Variants in CDK19 observed in about 807,000 individuals in gnomAD.
CDK19 encodes the protein cyclin-dependent kinase 19.
CDK19 carries 20 observed loss-of-function variants against 68.3 expected under a neutral mutation model. That is an observed-to-expected ratio of 0.29 (90% confidence interval 0.21 to 0.43). The LOEUF is 0.43. Among genes scored for constraint, CDK19 ranks in the 20% least tolerant of loss-of-function variants. The pLI is 1.00. For missense variants in CDK19, 339 were observed against 623.5 expected (o/e 0.54, Z 4.86); for synonymous variants, 221 against 222.8 (o/e 0.99, Z 0.07).
At chr6:110,653,762 G>T (rs527820308) in intron 4 of CDK19, among the ~76,000 whole-genome samples, 24 of 152,298 alleles carry the variant, frequency 1.6e-4, no homozygotes, top group Non-Finnish European at 3.5e-4. Flanking sequence ...CATTTTAGCA[G>T]AATTTACTTA....
At chr6:110,697,251 A>G (rs1024183943) in intron 2 of CDK19, among the ~76,000 whole-genome samples, 4 of 151,678 alleles carry the variant, frequency 2.6e-5, no homozygotes, top group African/African-American at 9.7e-5. Flanking sequence ...AATTAAATAA[A>G]TATAAATAAA....
chr6:110,672,742 TG>T lies in CDK19; in HGVS notation c.205-2202del, dbSNP rs1331026477. Among the ~76,000 whole-genome samples, 3 of 152,328 alleles carry T rather than the reference TG, an allele frequency of 2.0e-5. No homozygotes were observed. The East Asian group carries it at 5.8e-4, about 29-fold the overall frequency. On this transcript the variant is annotated intron_variant, in intron 2 of 12. Coordinates refer to ENST00000368911, the MANE Select transcript of CDK19 (RefSeq NM_015076.5). ...TTGTTTTCTTACCCTTACTCTATCT[TG>T]GAAATCTCTTAATATTAGGACAATA...
intron 2 of CDK19, among the ~76,000 whole-genome samples, chr6:110,701,986 C>CA (rs1474466463): frequency 6.6e-6 from 1 of 151,596 alleles, no homozygotes; most frequent in Non-Finnish European, 1.5e-5. Context: ...ACTAAAAATA[C>CA]AAAAAGTAGC....
rs1213320999 is a variant in CDK19 at position 110,610,171 on chromosome 6, C to T, written c.*4364G>A. 5 of 152,220 alleles carry T rather than the reference C, an allele frequency of 3.3e-5. No homozygotes were observed. The highest frequency in any genetic ancestry group is 9.7e-5 in the African/African-American group (4 of 41,418). The allele number at this position is 152,220 out of a possible 1,614,324, so 9.4% of individuals were successfully genotyped here. A position where few individuals can be genotyped will look rare whatever the true frequency, so the allele number is the denominator to read the frequency against. ...GTGCAGCGGCTCTGAGCACAAACCT[C>T]GCAGTGGAGCACGAAAAGCTACAGT... On this transcript the variant is annotated 3_prime_UTR_variant, in exon 13 of 13. Transcript: ENST00000368911.
intron 1 of CDK19, among the ~76,000 whole-genome samples, chr6:110,804,960 C>CA (rs927512258): frequency 3.2e-4 from 45 of 140,352 alleles, no homozygotes; most frequent in East Asian, 1.0e-3. Context: ...CGTCTCAAAA[C>CA]AAAAAAAAAA....
chr6:110,794,527 G>A (rs760734837), intron 1 of CDK19, among the ~76,000 whole-genome samples: 10 of 150,094 alleles, frequency 6.7e-5, no homozygotes, highest in Non-Finnish European at 1.3e-4. Flanking sequence ...TCAGCCTCCC[G>A]AGTAGCTGGG....
At chr6:110,682,462 T>G (rs994466445) in intron 2 of CDK19, among the ~76,000 whole-genome samples, 6 of 152,224 alleles carry the variant, frequency 3.9e-5, no homozygotes, top group African/African-American at 1.4e-4. Context: ...CTTTCACACC[T>G]ACGACAGGCC....
At chr6:110,782,898 A>G (rs76364132) in intron 1 of CDK19, among the ~76,000 whole-genome samples, 91 of 152,182 alleles carry the variant, frequency 6.0e-4, no homozygotes, top group African/African-American at 1.9e-3. Context: ...AATTTTATAC[A>G]TTTTGCTTCC....
At chr6:110,648,535 TTTC>T (rs1780756921) in intron 4 of CDK19, among the ~76,000 whole-genome samples, 2 of 145,092 alleles carry the variant, frequency 1.4e-5, no homozygotes, top group African/African-American at 5.1e-5. Context: ...TCTTTTTTCT[TTTC>T]TTTTTTTTTT....
At chr6:110,691,941 C>T (rs183040815) in intron 2 of CDK19, among the ~76,000 whole-genome samples, 15 of 151,162 alleles carry the variant, frequency 9.9e-5, no homozygotes, top group East Asian at 2.0e-4. Context: ...CCACTGTGCC[C>T]GGCCCCCCAT....
At chr6:110,694,055 T>A (rs1478164273) in intron 2 of CDK19, among the ~76,000 whole-genome samples, 1 of 135,812 alleles carries the variant, frequency 7.4e-6, no homozygotes, top group African/African-American at 2.8e-5. Flanking sequence ...TCACAGGGCC[T>A]ACAAAACAAT....
intron 1 of CDK19, among the ~76,000 whole-genome samples, chr6:110,801,546 C>T (rs1373746611): frequency 6.6e-6 from 1 of 151,968 alleles, no homozygotes; most frequent in African/African-American, 2.4e-5. Flanking sequence ...GGGTTTTGCA[C>T]TGTCGCCCAA....
At chr6:110,637,007 T>C (rs745756539) in intron 5 of CDK19, among the ~76,000 whole-genome samples, 2 of 152,242 alleles carry the variant, frequency 1.3e-5, no homozygotes, top group African/African-American at 2.4e-5. Flanking sequence ...CAGACAGCTC[T>C]GATATCACTA....
chr6:110,769,677 C>A (rs1170666962), intron 1 of CDK19, among the ~76,000 whole-genome samples: 3 of 151,914 alleles, frequency 2.0e-5, no homozygotes, highest in Non-Finnish European at 4.4e-5. Context: ...TAAAACTGCT[C>A]AAGAAAATAG....
At position 110,621,117 on chromosome 6, in the gene CDK19, G is replaced by A. The variant is rs2114616863; in HGVS notation, c.1364C>T (p.Pro455Leu). 1.2e-6 allele frequency: 2 copies of A among 1,613,092 alleles called. No homozygotes were observed. The highest frequency in any genetic ancestry group is 1.7e-4 in the Middle Eastern group (1 of 6,058). ...SGANSGGPVM[P>L]SDYQHSSSRL... The stretch of plus-strand genomic sequence containing the variant: ...TTCAGGGAGTACCTGATAATCCGAG[G>A]GCATCACAGGTCCACCTGAGTTTGC... Residue 455 changes from proline (P) to leucine (L), a missense_variant, in exon 12 of 13, where the codon CCC (proline) becomes CTC (leucine). Pro to Leu is a moderately conservative substitution (Grantham distance 98). Around this residue, in one of 4 missense-constraint regions of CDK19, gnomAD observed 155 missense variants for 222.7 expected, o/e 0.70. Transcript: ENST00000368911. The surrounding 1 kb of genome is among the most constrained non-coding windows in gnomAD (Gnocchi z 5.4).
intron 2 of CDK19, among the ~76,000 whole-genome samples, chr6:110,674,258 CCTCT>C (rs1166384369): frequency 6.6e-6 from 1 of 152,170 alleles, no homozygotes; most frequent in Non-Finnish European, 1.5e-5. Context: ...TCTCTTCGGG[CCTCT>C]CTATTGTCTG....
chr6:110,631,509 C>A (rs1779434750), intron 6 of CDK19, among the ~76,000 whole-genome samples: 1 of 152,164 alleles, frequency 6.6e-6, no homozygotes, highest in Non-Finnish European at 1.5e-5. Context: ...AGACGCTGAG[C>A]ACAGCTAATC....
intron 2 of CDK19, among the ~76,000 whole-genome samples, chr6:110,714,116 G>T (rs1278745531): frequency 6.6e-6 from 1 of 152,014 alleles, no homozygotes; most frequent in Non-Finnish European, 1.5e-5. Context: ...CCAGCCCCTG[G>T]CAACCAATAA....
chr6:110,681,621 T>C (rs1772024401), intron 2 of CDK19, among the ~76,000 whole-genome samples: 1 of 152,210 alleles, frequency 6.6e-6, no homozygotes, highest in South Asian at 2.1e-4. Context: ...GCCATACTTG[T>C]ACTTTCCCCA....
Sources: allele counts gnomAD v4.1 joint callset (sites outside exome capture counted in the v4.1 genomes callset), GRCh38; gene constraint gnomAD v4.1.1; regional missense constraint gnomAD v4.1.1; non-coding constraint Gnocchi (gnomAD v3.1); transcripts MANE v1.5; gene names NCBI Gene and HGNC (gene_info 2026-07-23, HGNC 2026-07-21).